The following C1QTNF3 variants were observed in gnomAD, a reference collection of about 807,000 sequenced individuals.
C1QTNF3 encodes the protein C1q and TNF related 3.
C1QTNF3 carries 26 observed loss-of-function variants against 32.6 expected under a neutral mutation model. That is an observed-to-expected ratio of 0.80 (90% CI 0.58 to 1.11). The LOEUF (loss-of-function observed/expected upper bound fraction) is 1.11, where lower values mean the gene tolerates loss of function less well. Ranked by LOEUF, C1QTNF3 falls within the 50% of genes least tolerant of loss-of-function variation. The pLI is 0.00. For missense variants in C1QTNF3, 362 were observed against 398.2 expected, an observed-to-expected ratio of 0.91 and a Z score of 0.77; for synonymous variants, 155 against 146.0, an observed-to-expected ratio of 1.06 and a Z score of -0.44.
At chr5:34,163,855 C>G in the C1QTNF3 span, among the ~76,000 whole-genome samples, 5 of 152,058 alleles carry the variant, frequency 3.3e-5, no homozygotes, top group South Asian at 1.0e-3. Flanking sequence ...TCTTGCCTAT[C>G]CAAACAACAA....
At chr5:34,197,390 C>T in the C1QTNF3 span, among the ~76,000 whole-genome samples, 2 of 152,124 alleles carry the variant, frequency 1.3e-5, no homozygotes, top group African/African-American at 4.8e-5. Flanking sequence ...TCACAGGTGC[C>T]ATTCTCTTAT....
the C1QTNF3 span, chr5:34,157,980 G>A: frequency 6.6e-6 from 1 of 151,980 alleles, no homozygotes; most frequent in African/African-American, 2.4e-5. Context: ...TACCTTTCAG[G>A]ATCCAGATTG....
chr5:34,153,740 A>T, the C1QTNF3 span, among the ~76,000 whole-genome samples: 2 of 105,372 alleles, frequency 1.9e-5, no homozygotes, highest in East Asian at 5.9e-4. Flanking sequence ...TAGCATTGGG[A>T]GATATACCTA....
At chr5:34,215,274 C>A in the C1QTNF3 span, among the ~76,000 whole-genome samples, 1 of 151,968 alleles carries the variant, frequency 6.6e-6, no homozygotes, top group African/African-American at 2.4e-5. Context: ...CCTGTGTAAG[C>A]CTGGGCTAGG....
chr5:34,075,457 T>C, the C1QTNF3 span, among the ~76,000 whole-genome samples: 1 of 151,610 alleles, frequency 6.6e-6, no homozygotes, highest in Non-Finnish European at 1.5e-5. Context: ...TTGAAGTACA[T>C]GGAAAGAAAA....
At chr5:34,106,397 G>T in the C1QTNF3 span, 1 of 151,080 alleles carries the variant, frequency 6.6e-6, no homozygotes, top group African/African-American at 2.4e-5. Context: ...AGGTTATTAG[G>T]AAAAATATAT....
chr5:34,129,077 TAGTG>T, the C1QTNF3 span, among the ~76,000 whole-genome samples: 13 of 152,242 alleles, frequency 8.5e-5, no homozygotes, highest in Non-Finnish European at 1.6e-4. Context: ...GTTCTTGTGA[TAGTG>T]AGTGAGTTCT....
the C1QTNF3 span, among the ~76,000 whole-genome samples, chr5:34,230,138 T>C: frequency 1.3e-5 from 2 of 152,200 alleles, no homozygotes; most frequent in Non-Finnish European, 2.9e-5. Flanking sequence ...ACCCGGTCTA[T>C]GGTATTTTCT....
At chr5:34,025,986 A>C (rs981101544) in intron 4 of C1QTNF3, among the ~76,000 whole-genome samples, 1 of 152,250 alleles carries the variant, frequency 6.6e-6, no homozygotes, top group Non-Finnish European at 1.5e-5. Context: ...TGAGTAGAAA[A>C]AATAAATCAA....
the C1QTNF3 span, among the ~76,000 whole-genome samples, chr5:34,049,018 C>G: frequency 1.3e-5 from 2 of 151,962 alleles, no homozygotes; most frequent in African/African-American, 4.8e-5. Flanking sequence ...TTTCTTCAGA[C>G]AGAGGGCAAT....
chr5:34,074,304 G>T, the C1QTNF3 span, among the ~76,000 whole-genome samples: 7 of 151,740 alleles, frequency 4.6e-5, no homozygotes, highest in African/African-American at 1.7e-4. Flanking sequence ...ATTTGAGAAA[G>T]AATCAACATC....
chr5:34,236,334 T>C, the C1QTNF3 span, among the ~76,000 whole-genome samples: 1 of 151,496 alleles, frequency 6.6e-6, no homozygotes, highest in Admixed American at 6.6e-5. Flanking sequence ...GAGGTTGCAG[T>C]GAGCTGAGGT....
At chr5:34,146,332 G>C in the C1QTNF3 span, among the ~76,000 whole-genome samples, 6 of 152,112 alleles carry the variant, frequency 3.9e-5, no homozygotes, top group African/African-American at 1.4e-4. Context: ...ATGTCATATG[G>C]AACCTAAAAA....
At chr5:34,130,130 TATAC>T in the C1QTNF3 span, among the ~76,000 whole-genome samples, 7 of 148,532 alleles carry the variant, frequency 4.7e-5, no homozygotes, top group African/African-American at 1.0e-4. Context: ...ATTTTATATA[TATAC>T]ACACACACAC....
chr5:34,228,226 T>C, the C1QTNF3 span, among the ~76,000 whole-genome samples: 1 of 151,978 alleles, frequency 6.6e-6, no homozygotes, highest in Non-Finnish European at 1.5e-5. Context: ...GTTCATAAGT[T>C]AGTAACAGCT....
chr5:34,119,083 TTG>T, the C1QTNF3 span, among the ~76,000 whole-genome samples: 3 of 152,224 alleles, frequency 2.0e-5, no homozygotes, highest in South Asian at 2.1e-4. Flanking sequence ...ATTGCTATTA[TTG>T]TCTCTTATTT....
chr5:34,213,454 A>G, the C1QTNF3 span, among the ~76,000 whole-genome samples: 1 of 151,910 alleles, frequency 6.6e-6, no homozygotes, highest in African/African-American at 2.4e-5. Flanking sequence ...GCACCATGAT[A>G]AATCTTATCA....
the C1QTNF3 span, among the ~76,000 whole-genome samples, chr5:34,084,563 C>G: frequency 6.6e-6 from 1 of 151,328 alleles, no homozygotes; most frequent in African/African-American, 2.5e-5. Context: ...TGCATTGCGC[C>G]CCTCTGCATA....
At chr5:34,057,189 T>G in the C1QTNF3 span, among the ~76,000 whole-genome samples, 1 of 152,180 alleles carries the variant, frequency 6.6e-6, no homozygotes, top group Admixed American at 6.5e-5. Flanking sequence ...GACCACACTT[T>G]GAAAAGGACT....
Sources: allele counts gnomAD v4.1 joint callset (sites outside exome capture counted in the v4.1 genomes callset), GRCh38; gene constraint gnomAD v4.1.1; transcripts MANE v1.5; gene names NCBI Gene and HGNC (gene_info 2026-07-23, HGNC 2026-07-21).